MTA1: variants seen among roughly 807,000 people sequenced by gnomAD.
MTA1 encodes metastasis associated 1.
A neutral mutation model predicts 97.0 loss-of-function variants in MTA1; 15 were observed. The ratio of observed to expected loss-of-function variants is 0.15; its 90% CI spans 0.10 to 0.24. MTA1 has a LOEUF of 0.24. Ranked by LOEUF, MTA1 falls within the 10% of genes least tolerant of loss-of-function variation. The pLI is 1.00. For synonymous variants in MTA1, 435 were observed against 417.5 expected (o/e 1.04, Z -0.51); for missense variants, 709 against 1,015.1 (o/e 0.70, Z 4.10).
intron 3 of MTA1, chr14:105,445,716 T>G: frequency 1.4e-6 from 1 of 690,264 alleles, no homozygotes; most frequent in Non-Finnish European, 2.7e-6. Context: ...GTGAATGAAG[T>G]CCTCGCACGC....
chr14:105,468,993 G>GGGT, intron 18 of MTA1: 1 of 343,410 alleles, frequency 2.9e-6, no homozygotes, highest in South Asian at 2.1e-5. Context: ...CCAGGGCAGT[G>GGGT]GGTGGTGACC....
At chr14:105,469,372 G>T in intron 18 of MTA1, 95 bp from the exon 19 acceptor site, 2 of 1,395,058 alleles carry the variant, frequency 1.4e-6, no homozygotes, top group Admixed American at 1.7e-5. Flanking sequence ...GATGGCCCCG[G>T]CCCATTGTCC....
intron 1 of MTA1, among the ~76,000 whole-genome samples, chr14:105,423,571 CA>C (rs781911387): frequency 0.071 from 10,467 of 146,874 alleles, 490 homozygotes; most frequent in Middle Eastern, 0.11. Context: ...GACTCCGTAT[CA>C]AAAAAAAAAA....
chr14:105,460,326 G>GACACTGTGGTCAGCGCATCTCCTTTCCCC, intron 8 of MTA1, 32 bp from the exon 9 acceptor site: 3 of 1,574,206 alleles, frequency 1.9e-6, no homozygotes, highest in Non-Finnish European at 2.6e-6. Flanking sequence ...CTGCTTGGCC[G>GACACTGTGGTCAGCGCATCTCCTTTCCCC]ACACTGTGGT....
chr14:105,466,436 CCG>C lies in MTA1; in HGVS notation c.1637_1638del (p.Arg546ProfsTer5). The C allele has an allele frequency of 7.1e-7, 1 of 1,403,460 alleles. No homozygotes were observed. The allele number at this position is 1,403,460 out of a possible 1,614,324, so 86.9% of individuals were successfully genotyped here. Reference sequence around the variant, plus strand: ...TGTCATTCCCGGCAGAGACCCACCCCCGCCCCCCCAAGCCTGACCCCGTGAAA... The same window carrying C: ...TGTCATTCCCGGCAGAGACCCACCCCCCCCCCCAAGCCTGACCCCGTGAAA... ...AVLRYLETHP[R>X]PPKPDPVKSV... On this transcript the variant is annotated frameshift_variant, in exon 17 of 21. Transcript: ENST00000331320. LOFTEE classifies it high-confidence loss of function.
At chr14:105,449,434 G>T in intron 4 of MTA1, 25 bp downstream of exon 4, 3 of 1,608,064 alleles carry the variant, frequency 1.9e-6, no homozygotes, top group Non-Finnish European at 2.5e-6. Flanking sequence ...CCGCAAGGAG[G>T]GCGTCCTCCT....
At chr14:105,433,238 A>G (rs7143586) in intron 1 of MTA1, among the ~76,000 whole-genome samples, 133,279 of 151,904 alleles carry the variant, frequency 0.88, 61,062 homozygotes, top group Non-Finnish European at 1. Context: ...CTGTGATGAC[A>G]GGCCTGGCGT....
chr14:105,451,635 G>T (rs992427281), intron 6 of MTA1, among the ~76,000 whole-genome samples: 4 of 152,234 alleles, frequency 2.6e-5, no homozygotes, highest in Non-Finnish European at 5.9e-5. Context: ...TGAGGAAGCA[G>T]CAGGTGCAGT....
At position 105,420,253 on chromosome 14, in the gene MTA1, C is replaced by T. The variant is rs1452686122; in HGVS notation, c.28+190C>T. 1.1e-4 allele frequency among the ~76,000 whole-genome samples: 16 copies of T among 148,782 alleles called. No individual in the cohort carries two copies. The highest frequency in any genetic ancestry group is 3.9e-4 in the African/African-American group (16 of 41,066). On this transcript the variant is annotated intron_variant, in intron 1 of 20. Coordinates refer to ENST00000331320, the MANE Select transcript of MTA1 (RefSeq NM_004689.4). This position sits in a 1 kb window ranked among gnomAD's most constrained non-coding sequence, Gnocchi z 5.3. ...CCAAAATGGCCCCGCGGGTCGGCCC[C>T]ATCGGGGGCGGGCGGGGCTCGGCGG...
intron 3 of MTA1, among the ~76,000 whole-genome samples, chr14:105,448,443 C>T (rs782710725): frequency 2.6e-5 from 4 of 152,158 alleles, no homozygotes; most frequent in Non-Finnish European, 5.9e-5. Context: ...GGTCAGTGCT[C>T]GGATGGGGCC....
At position 105,420,003 on chromosome 14, in the gene MTA1, GC is replaced by G. The variant is rs1372649581; in HGVS notation, c.-29del. On this transcript the variant is annotated 5_prime_UTR_variant, in exon 1 of 21. Coordinates refer to ENST00000331320, the MANE Select transcript of MTA1 (RefSeq NM_004689.4). The surrounding 1 kb of genome is among the most constrained non-coding windows in gnomAD (Gnocchi z 5.3). ...GCCGCCCGCGCCGAGCGCCGCGCCC[GC>G]CCCGGGCCCCTCCGCCGCCGCCGGC... The G allele has an allele frequency of 2.0e-6, 2 of 996,184 alleles. No homozygotes were observed. Among genetic ancestry groups the G allele is most frequent in the Non-Finnish European group, 2.4e-6 (2 of 844,428 alleles). The allele number at this position is 996,184 out of a possible 1,614,324, so 61.7% of individuals were successfully genotyped here.
chr14:105,428,086 G>T (rs1397861919), intron 1 of MTA1, among the ~76,000 whole-genome samples: 1 of 151,624 alleles, frequency 6.6e-6, no homozygotes, highest in Non-Finnish European at 1.5e-5. Context: ...TTATGTGTAG[G>T]GGCCTGTGGT....
At position 105,464,538 on chromosome 14, in the gene MTA1, G is replaced by A; in HGVS notation, c.1315G>A (p.Glu439Lys). ...GAAAATGCCAACCCGGTTAGATGGA[G>A]AGAGGCCAGGACCAAACCGCAGTAA... ...GLKMPTRLDG[E>K]RPGPNRSNMS... Residue 439 changes from glutamate (E) to lysine (K), a missense_variant, in exon 14 of 21, where the codon GAG (glutamate) becomes AAG (lysine). Coordinates refer to ENST00000331320, the MANE Select transcript of MTA1 (RefSeq NM_004689.4). 6.2e-7 allele frequency: 1 copy of A among 1,613,106 alleles called. No homozygotes were observed. Among genetic ancestry groups the A allele is most frequent in the Non-Finnish European group, 8.5e-7 (1 of 1,179,944 alleles).
intron 18 of MTA1, 40 bp downstream of exon 18, chr14:105,466,782 G>A (rs367625948): frequency 2.0e-5 from 31 of 1,526,760 alleles, no homozygotes; most frequent in African/African-American, 2.8e-5. Flanking sequence ...CGCCGGCCCC[G>A]CCCGTGATGC....
At chr14:105,443,312 A>G (rs2082606862) in intron 2 of MTA1, among the ~76,000 whole-genome samples, 1 of 152,100 alleles carries the variant, frequency 6.6e-6, no homozygotes, top group African/African-American at 2.4e-5. Context: ...ACCCTCGAGA[A>G]CGCCCGGCTC....
At chr14:105,433,793 A>G (rs937450658) in intron 1 of MTA1, among the ~76,000 whole-genome samples, 1 of 152,226 alleles carries the variant, frequency 6.6e-6, no homozygotes, top group Non-Finnish European at 1.5e-5. Context: ...AAGTCCTCTC[A>G]TGAGTGCATC....
At chr14:105,462,761 C>G (rs2083406386) in intron 10 of MTA1, among the ~76,000 whole-genome samples, 1 of 151,890 alleles carries the variant, frequency 6.6e-6, no homozygotes, top group Non-Finnish European at 1.5e-5. Flanking sequence ...CCCAGCTACT[C>G]AGGAGACAGA....
chr14:105,464,405 G>A lies in MTA1; in HGVS notation c.1193-11G>A, dbSNP rs782274995. On this transcript the variant is annotated splice_polypyrimidine_tract_variant and intron_variant, in intron 13 of 20. Transcript: ENST00000331320. ...TAAGAATCCGTCTATTTCCAACTTT[G>A]TTGTCCGTAGCCACACAGTCTTACC... 5 of 1,611,614 alleles carry A rather than the reference G, an allele frequency of 3.1e-6. No homozygotes were observed. Among genetic ancestry groups the A allele is most frequent in the Non-Finnish European group, 4.2e-6 (5 of 1,178,524 alleles).
intron 1 of MTA1, among the ~76,000 whole-genome samples, chr14:105,436,223 C>T (rs1555424351): frequency 1.3e-5 from 2 of 152,164 alleles, no homozygotes; most frequent in Non-Finnish European, 2.9e-5. Flanking sequence ...GAGCTGAGAT[C>T]GCTCCATTGC....
Sources: gnomAD v4.1 joint callset for allele counts (sites outside exome capture counted in the v4.1 genomes callset) on GRCh38, gnomAD v4.1.1 for gene constraint, Gnocchi (gnomAD v3.1) non-coding constraint, MANE v1.5 for transcripts, NCBI Gene and HGNC (gene_info 2026-07-23, HGNC 2026-07-21) for gene names.